HGSNAT: variants seen among roughly 807,000 people sequenced by gnomAD.
HGSNAT encodes the protein transmembrane protein 76.
In HGSNAT, 59 loss-of-function variants were observed where a neutral mutation model predicts 85.2. That is an observed-to-expected ratio of 0.69 (90% CI 0.56 to 0.86). The LOEUF (loss-of-function observed/expected upper bound fraction) is 0.86. HGSNAT is among the 40% of genes least tolerant of loss of function. The pLI is 0.00. For synonymous variants in HGSNAT, 321 were observed against 304.5 expected, an observed-to-expected ratio of 1.05 and a Z score of -0.56; for missense variants, 756 against 777.1, an observed-to-expected ratio of 0.97 and a Z score of 0.32.
At chr8:43,196,504 G>T (rs1367395153) in intron 14 of HGSNAT, 2 of 1,290,026 alleles carry the variant, frequency 1.6e-6, no homozygotes, top group Non-Finnish European at 2.0e-6. Flanking sequence ...TTCTCTTTGG[G>T]CCCTGCCTGG....
intron 11 of HGSNAT, 103 bp downstream of exon 11, chr8:43,182,363 C>G (rs1352099044): frequency 1.0e-6 from 1 of 969,790 alleles, no homozygotes; most frequent in East Asian, 2.5e-5. Context: ...GTCCCTCACT[C>G]CTGGCTTCAA....
At chr8:43,154,193 C>A (rs1283974469) in intron 2 of HGSNAT, among the ~76,000 whole-genome samples, 1 of 151,600 alleles carries the variant, frequency 6.6e-6, no homozygotes, top group Non-Finnish European at 1.5e-5. Context: ...ACTTGTATTA[C>A]TTTTTTTTTC....
intron 11 of HGSNAT, among the ~76,000 whole-genome samples, chr8:43,185,231 A>G (rs557462467): frequency 6.2e-4 from 95 of 152,330 alleles, no homozygotes; most frequent in African/African-American, 8.7e-4. Context: ...CTTGGGCAGT[A>G]TCGCCATTTT....
At chr8:43,179,708 G>A (rs1336417992) in intron 10 of HGSNAT, among the ~76,000 whole-genome samples, 1 of 10,296 alleles carries the variant, frequency 9.7e-5, no homozygotes, top group African/African-American at 4.7e-4. Flanking sequence ...GCCAGGTGGG[G>A]GGATGACCCC....
intron 14 of HGSNAT, chr8:43,194,440 G>A (rs1204861595): frequency 4.1e-6 from 4 of 985,322 alleles, no homozygotes; most frequent in African/African-American, 1.7e-5. Flanking sequence ...TGCAGAGTGT[G>A]TGGGTATTGG....
chr8:43,142,919 T>C (rs989164322), intron 1 of HGSNAT, among the ~76,000 whole-genome samples: 2 of 152,236 alleles, frequency 1.3e-5, no homozygotes, highest in Admixed American at 1.3e-4. Context: ...ACAGTACTTA[T>C]TCCATCTACG....
intron 2 of HGSNAT, among the ~76,000 whole-genome samples, chr8:43,147,889 A>G (rs1396518148): frequency 1.3e-5 from 2 of 152,210 alleles, no homozygotes; most frequent in Non-Finnish European, 2.9e-5. Flanking sequence ...AGCATCATAC[A>G]GTATACCCAT....
At chr8:43,187,316 C>A (rs1804352211) in intron 11 of HGSNAT, among the ~76,000 whole-genome samples, 1 of 152,146 alleles carries the variant, frequency 6.6e-6, no homozygotes, top group Non-Finnish European at 1.5e-5. Context: ...CTTTATAAAT[C>A]TGGGTGCTCC....
intron 14 of HGSNAT, 95 bp from the exon 15 acceptor site, chr8:43,196,853 G>A: frequency 2.5e-6 from 2 of 791,054 alleles, no homozygotes; most frequent in South Asian, 3.1e-5. Flanking sequence ...CCCAGCAAGT[G>A]AATCTCTTTG....
At chr8:43,176,182 CTTAAGT>C (rs1485430886) in intron 9 of HGSNAT, among the ~76,000 whole-genome samples, 2 of 152,168 alleles carry the variant, frequency 1.3e-5, no homozygotes, top group African/African-American at 4.8e-5. Context: ...AGTTTGAGGT[CTTAAGT>C]TTAAGTCTTT....
chr8:43,155,581 A>G (rs887854461), intron 2 of HGSNAT, among the ~76,000 whole-genome samples: 1 of 152,104 alleles, frequency 6.6e-6, no homozygotes, highest in Non-Finnish European at 1.5e-5. Flanking sequence ...TTCACTGTGC[A>G]TAGGCTTTTT....
chr8:43,187,909 T>C (rs1426248116), intron 11 of HGSNAT, among the ~76,000 whole-genome samples: 1 of 152,230 alleles, frequency 6.6e-6, no homozygotes, highest in African/African-American at 2.4e-5. Context: ...TGAAGCTTAG[T>C]TTGGCTGGAT....
chr8:43,163,909 G>A (rs1040433429), intron 5 of HGSNAT, among the ~76,000 whole-genome samples: 2 of 152,154 alleles, frequency 1.3e-5, no homozygotes, highest in African/African-American at 2.4e-5. Context: ...AGTTGTGAGG[G>A]AAAAAGAGAA....
At chr8:43,167,925 T>C in intron 5 of HGSNAT, 1 of 209,210 alleles carries the variant, frequency 4.8e-6, no homozygotes, top group Non-Finnish European at 9.9e-6. Flanking sequence ...CTTTCTTTCT[T>C]TTTTTTTTTT....
In HGSNAT at chr8:43,161,486, C is replaced by G. The variant is rs375238536; in HGVS notation, c.542C>G (p.Ser181Cys). The change falls in exon 5 of 18, where the codon TCC (serine) becomes TGC (cysteine). Residue 181 changes from serine (S) to cysteine (C), a missense_variant. By Grantham distance (112) the Ser-to-Cys change is moderately radical. Coordinates refer to ENST00000379644, the MANE Select transcript of HGSNAT (RefSeq NM_152419.3). ...GGTCTTGCTGTCATCATTGTGATAT[C>G]CTTTCTGAGGCTCTTGTTGAGGTAA... is the stretch of plus-strand genomic sequence containing the variant. The part of the protein sequence containing the change: ...LIGLAVIIVI[S>C]FLRLLLSLDD... 2.5e-6 allele frequency: 4 copies of G among 1,609,334 alleles called. No individual in the cohort carries two copies. The African/African-American group carries it at 5.4e-5, about 22-fold the overall frequency.
At chr8:43,179,606 C>T (rs1460368738) in intron 10 of HGSNAT, among the ~76,000 whole-genome samples, 3 of 72,946 alleles carry the variant, frequency 4.1e-5, no homozygotes, top group Non-Finnish European at 5.3e-5. Flanking sequence ...CCAGTAGGGG[C>T]GGCCGGGCAG....
intron 2 of HGSNAT, among the ~76,000 whole-genome samples, chr8:43,149,327 C>A (rs1265973736): frequency 6.6e-6 from 1 of 152,052 alleles, no homozygotes; most frequent in Non-Finnish European, 1.5e-5. Context: ...TGGAAAGACA[C>A]TTATGACTCT....
chr8:43,188,094 C>T (rs899730360), intron 11 of HGSNAT, among the ~76,000 whole-genome samples: 4 of 152,146 alleles, frequency 2.6e-5, no homozygotes, highest in African/African-American at 9.7e-5. Flanking sequence ...TTCATTTCAA[C>T]TTTGGTGAAT....
intron 10 of HGSNAT, 114 bp from the exon 11 acceptor site, chr8:43,182,031 G>C: frequency 1.2e-6 from 1 of 803,944 alleles, no homozygotes; most frequent in East Asian, 2.4e-5. Flanking sequence ...GCTTAAAAAA[G>C]ACTTACTTAG....
Sources: allele counts gnomAD v4.1 joint callset (sites outside exome capture counted in the v4.1 genomes callset), GRCh38; gene constraint gnomAD v4.1.1; transcripts MANE v1.5; gene names NCBI Gene and HGNC (gene_info 2026-07-23, HGNC 2026-07-21).